Variants in FBXO47 observed in about 807,000 individuals in gnomAD.
The protein encoded by FBXO47 is F-box protein 47, also known as F-box only protein 47.
In FBXO47, 34 loss-of-function variants were observed where a neutral mutation model predicts 53.9. The observed-to-expected ratio is 0.63, with a 90% confidence interval of 0.48 to 0.84. The LOEUF (loss-of-function observed/expected upper bound fraction) is 0.84. Ranked by LOEUF, FBXO47 falls within the 40% of genes least tolerant of loss-of-function variation. The pLI, the probability that FBXO47 is intolerant of heterozygous loss-of-function variation, is 0.00. For missense variants in FBXO47, 485 were observed against 541.3 expected, an observed-to-expected ratio of 0.90 and a Z score of 1.03; for synonymous variants, 165 against 181.6, an observed-to-expected ratio of 0.91 and a Z score of 0.73.
chr17:38,938,631 C>G lies in FBXO47; in HGVS notation c.1185G>C (p.Gln395His). The G allele has an allele frequency of 6.2e-7, 1 of 1,613,776 alleles. No individual in the cohort carries two copies. Among genetic ancestry groups the G allele is most frequent in the South Asian group, 1.1e-5 (1 of 91,076 alleles). The change falls in exon 10 of 11, where the codon CAG becomes CAC. Residue 395 changes from glutamine to histidine, a missense_variant. Gln to His is a conservative substitution (Grantham distance 24). Coordinates refer to ENST00000378079, the MANE Select transcript of FBXO47 (RefSeq NM_001008777.3). ...CACATGCAAATGCATTTGCCACATT[C>G]TGCAGGAAGTTCTTTCTTTCCACTG... ...STPVERKNFLQNVANAFACVI... is the reference protein window; with the variant it reads ...STPVERKNFLHNVANAFACVI...
chr17:38,965,569 A>G (rs1042793022), intron 1 of FBXO47, among the ~76,000 whole-genome samples: 1 of 151,942 alleles, frequency 6.6e-6, no homozygotes, highest in Non-Finnish European at 1.5e-5. Flanking sequence ...GTATTTTAAA[A>G]TTATCATTAA....
intron 3 of FBXO47, among the ~76,000 whole-genome samples, chr17:38,958,927 T>C (rs533810581): frequency 1.6e-4 from 25 of 152,270 alleles, no homozygotes; most frequent in African/African-American, 5.5e-4. Context: ...CCTTCATACA[T>C]TGGTATCCAG....
rs1555560016 is a variant in FBXO47 at position 38,941,620 on chromosome 17, T to TTTTATATATA, written c.1083+1157_1083+1158insTATATATAAA. 7.0e-3 allele frequency among the ~76,000 whole-genome samples: 810 copies of TTTTATATATA among 115,154 alleles called. 13 individuals are homozygous for TTTTATATATA. The highest frequency in any genetic ancestry group is 0.024 in the African/African-American group (787 of 32,738). 75.5% of individuals were successfully genotyped at this position (115,154 alleles called of 152,430 possible). A position where few individuals can be genotyped will look rare whatever the true frequency, so the allele number is the denominator to read the frequency against. On this transcript the variant is annotated intron_variant, in intron 9 of 10. Transcript: ENST00000378079. The stretch of plus-strand genomic sequence containing the variant: ...AAATGAATATTAAATAAATATAATA[T>TTTTATATATA]TATATATATATATATATATATATAT...
chr17:38,963,172 G>T, intron 1 of FBXO47, 121 bp from the exon 2 acceptor site: 1 of 602,736 alleles, frequency 1.7e-6, no homozygotes. Flanking sequence ...CTCTGTATTT[G>T]CAAAAGATTT....
rs1555559725 is a variant in FBXO47 at position 38,939,323 on chromosome 17, A to AATATATATATATAT, written c.1084-605_1084-592dup. Among the ~76,000 whole-genome samples, 165 of 50,138 alleles carry AATATATATATATAT rather than the reference A, an allele frequency of 3.3e-3. 1 individual carries two copies. The highest frequency in any genetic ancestry group is 3.7e-3 in the Non-Finnish European group (97 of 26,514). 32.9% of individuals were successfully genotyped at this position (50,138 alleles called of 152,430 possible). ...AAAAAAAAAAAAAAAAAAAAAAAAA[A>AATATATATATATAT]ATATATATATATATATATATATGTA... On this transcript the variant is annotated intron_variant, in intron 9 of 10. Transcript: ENST00000378079.
chr17:38,965,155 A>T (rs1340551629), intron 1 of FBXO47, among the ~76,000 whole-genome samples: 1 of 152,178 alleles, frequency 6.6e-6, no homozygotes, highest in Non-Finnish European at 1.5e-5. Flanking sequence ...CGCCCATTAC[A>T]CTAAATAATT....
chr17:38,954,899 G>T lies in FBXO47; in HGVS notation c.464C>A (p.Pro155His), dbSNP rs554557125. The change falls in exon 5 of 11, where the codon CCT (proline) becomes CAT (histidine). Residue 155 changes from proline to histidine, a missense_variant. Pro to His is a moderately conservative substitution (Grantham distance 77). Transcript: ENST00000378079. ...ACATGTTAATCCTAAACACTGCATA[G>T]GAGCTGCACAGCCATTGAATTTAAA... ...SCFKFNGCAA[P>H]MQCLGLTCYG... 4 of 1,611,044 alleles carry T rather than the reference G, an allele frequency of 2.5e-6. No individual in the cohort carries two copies. Among genetic ancestry groups the T allele is most frequent in the South Asian group, 2.2e-5 (2 of 90,366 alleles).
intron 5 of FBXO47, among the ~76,000 whole-genome samples, chr17:38,952,507 T>C (rs1459772659): frequency 6.6e-6 from 1 of 151,980 alleles, no homozygotes; most frequent in Admixed American, 6.6e-5. Flanking sequence ...AAAGGAAGTA[T>C]CTTTTCAGAG....
chr17:38,952,534 G>A (rs1207465595), intron 5 of FBXO47, among the ~76,000 whole-genome samples: 1 of 146,598 alleles, frequency 6.8e-6, no homozygotes, highest in Non-Finnish European at 1.5e-5. Flanking sequence ...TTTTTTTTTT[G>A]AGATTCAATC....
At chr17:38,950,193 C>T (rs969089785) in intron 6 of FBXO47, among the ~76,000 whole-genome samples, 1 of 151,968 alleles carries the variant, frequency 6.6e-6, no homozygotes, top group East Asian at 1.9e-4. Context: ...CTCCCCTCAG[C>T]TCCTGGTAAC....
At chr17:38,942,723 G>A in intron 9 of FBXO47, 55 bp downstream of exon 9, 1 of 1,458,968 alleles carries the variant, frequency 6.9e-7, no homozygotes, top group Non-Finnish European at 9.4e-7. Context: ...GCAGCTCCCT[G>A]TAGGTCAATT....
intron 6 of FBXO47, among the ~76,000 whole-genome samples, chr17:38,946,351 AATATATATAAATATATAG>A (rs1567716616): frequency 2.2e-4 from 10 of 46,268 alleles, no homozygotes; most frequent in African/African-American, 2.8e-4. Flanking sequence ...TAAATATATA[AATATATATAAATATATAG>A]ATATATATAT....
Position 38,942,859 on chromosome 17 carries a change from G to A in FBXO47, c.1002C>T (p.Asn334=), listed in dbSNP as rs1295875497. Residue 334 remains asparagine (N), a synonymous_variant, in exon 9 of 11, where the codon AAC becomes AAT. Coordinates refer to ENST00000378079, the MANE Select transcript of FBXO47 (RefSeq NM_001008777.3). ...TACTAGCCATGAAACTGAAACAGAT[G>A]TTGTTTCCACTTAGCATTAGGAGAC... ...NARLLMLSGN[N]ICFSFMASKA... 1.4e-5 allele frequency: 23 copies of A among 1,612,824 alleles called. No homozygotes were observed. Among genetic ancestry groups the A allele is most frequent in the Admixed American group, 3.3e-5 (2 of 59,944 alleles).
chr17:38,966,702 T>C (rs560398615), intron 1 of FBXO47, among the ~76,000 whole-genome samples: 2 of 152,260 alleles, frequency 1.3e-5, no homozygotes, highest in South Asian at 4.1e-4. Flanking sequence ...AATTTAAAAA[T>C]GATAAGCCCA....
intron 1 of FBXO47, 37 bp downstream of exon 1, chr17:38,967,192 T>C (rs555888378): frequency 6.6e-6 from 1 of 152,204 alleles, no homozygotes; most frequent in South Asian, 2.1e-4. Flanking sequence ...GATGAAATTA[T>C]CGCAATAAAA....
chr17:38,965,895 A>AT (rs1555562892), intron 1 of FBXO47, among the ~76,000 whole-genome samples: 2,499 of 151,116 alleles, frequency 0.017, 86 homozygotes, highest in African/African-American at 0.058. Context: ...AAAAAAAAAA[A>AT]AATAATTACA....
At position 38,946,641 on chromosome 17, in the gene FBXO47, T is replaced by TATATATAAATATATATGAATATATAA. The variant is rs1567717048; in HGVS notation, c.617-1531_617-1506dup. On this transcript the variant is annotated intron_variant, in intron 6 of 10. Transcript: ENST00000378079. ...ATATAAATATATATGAATATATAAATATATATAAATATATATGAATATATA... is the reference window on the plus strand; with the variant it reads ...ATATAAATATATATGAATATATAAATATATATAAATATATATGAATATATAAATATATAAATATATATGAATATATA... 2.9e-3 allele frequency among the ~76,000 whole-genome samples: 69 copies of TATATATAAATATATATGAATATATAA among 23,758 alleles called. 8 individuals are homozygous for TATATATAAATATATATGAATATATAA. Among genetic ancestry groups the TATATATAAATATATATGAATATATAA allele is most frequent in the Middle Eastern group, 0.029 (1 of 34 alleles). 15.6% of individuals were successfully genotyped at this position (23,758 alleles called of 152,430 possible). A position where few individuals can be genotyped will look rare whatever the true frequency, so the allele number is the denominator to read the frequency against.
At chr17:38,956,009 G>A (rs918728464) in intron 4 of FBXO47, among the ~76,000 whole-genome samples, 2 of 140,626 alleles carry the variant, frequency 1.4e-5, no homozygotes, top group South Asian at 2.3e-4. Context: ...GGTGGCACAC[G>A]CCTGTAATCC....
chr17:38,957,551 C>CAA (rs1159076801), intron 3 of FBXO47, among the ~76,000 whole-genome samples: 1 of 152,030 alleles, frequency 6.6e-6, no homozygotes, highest in Admixed American at 6.6e-5. Context: ...TACAATAAGA[C>CAA]AAAGACACAC....
Sources: allele counts gnomAD v4.1 joint callset (sites outside exome capture counted in the v4.1 genomes callset), GRCh38; gene constraint gnomAD v4.1.1; transcripts MANE v1.5; gene names NCBI Gene and HGNC (gene_info 2026-07-23, HGNC 2026-07-21).